CNBD1: variants seen among roughly 807,000 people sequenced by gnomAD.
CNBD1 encodes cyclic nucleotide binding domain containing 1.
A neutral mutation model predicts 54.4 loss-of-function variants in CNBD1; 71 were observed. The observed-to-expected ratio is 1.30, with a 90% CI of 1.08 to 1.59. The LOEUF is 1.59. Among genes scored for constraint, CNBD1 ranks in the 40% most tolerant of loss-of-function variants. CNBD1 has a pLI of 0.00. For missense variants in CNBD1, 659 were observed against 518.0 expected (o/e 1.27, Z -2.64); for synonymous variants, 182 against 170.7 (o/e 1.07, Z -0.51).
chr8:87,276,628 C>G (rs7842203), intron 6 of CNBD1, among the ~76,000 whole-genome samples: 42,732 of 151,692 alleles, frequency 0.28, 6,476 homozygotes, highest in African/African-American at 0.39. Context: ...TTGCCTCAGA[C>G]CAGTCCCCTT....
intron 4 of CNBD1, among the ~76,000 whole-genome samples, chr8:87,126,857 A>T (rs983631983): frequency 4.0e-5 from 6 of 151,874 alleles, no homozygotes; most frequent in African/African-American, 1.4e-4. Context: ...TTGTATATAG[A>T]TATCCAGTGG....
rs116369509 is a variant in CNBD1 at position 86,887,916 on chromosome 8, A to G, written c.158+305A>G. On this transcript the variant is annotated intron_variant, in intron 2 of 10. Coordinates refer to ENST00000518476, the MANE Select transcript of CNBD1 (RefSeq NM_173538.3). ...AAGTGGTTGAAAACACACATACTGA[A>G]TGAAATAAGTACCTGAGCAGTGAAT... Among the ~76,000 whole-genome samples, 1,166 of 152,292 alleles carry G rather than the reference A, an allele frequency of 7.7e-3. 13 individuals carry two copies. The highest frequency in any genetic ancestry group is 0.026 in the African/African-American group (1,082 of 41,562).
At chr8:87,035,987 G>A (rs926892652) in intron 4 of CNBD1, among the ~76,000 whole-genome samples, 12 of 152,154 alleles carry the variant, frequency 7.9e-5, no homozygotes, top group South Asian at 2.1e-4. Flanking sequence ...ATATCTACAG[G>A]CCAGAACTCA....
intron 4 of CNBD1, among the ~76,000 whole-genome samples, chr8:87,197,210 G>A (rs543469445): frequency 3.2e-4 from 48 of 152,298 alleles, no homozygotes; most frequent in Non-Finnish European, 5.4e-4. Flanking sequence ...ATTCACTGAA[G>A]TATTTCCTAC....
At chr8:87,234,841 T>G (rs1376694553) in intron 5 of CNBD1, among the ~76,000 whole-genome samples, 1 of 152,152 alleles carries the variant, frequency 6.6e-6, no homozygotes, top group African/African-American at 2.4e-5. Context: ...AGGAATTGAC[T>G]TCTTCTCTCT....
At chr8:87,051,988 G>A (rs893237398) in intron 4 of CNBD1, among the ~76,000 whole-genome samples, 15 of 152,198 alleles carry the variant, frequency 9.9e-5, no homozygotes, top group Admixed American at 7.2e-4. Context: ...AACCTCCAGT[G>A]GTCCCCACCA....
intron 6 of CNBD1, among the ~76,000 whole-genome samples, chr8:87,257,682 C>T (rs1436632879): frequency 1.3e-5 from 2 of 152,062 alleles, no homozygotes; most frequent in Non-Finnish European, 2.9e-5. Flanking sequence ...TTTATGTCCT[C>T]TTGAATACCA....
intron 2 of CNBD1, among the ~76,000 whole-genome samples, chr8:87,398,719 T>G (rs1811449958): frequency 6.6e-6 from 1 of 152,122 alleles, no homozygotes; most frequent in Non-Finnish European, 1.5e-5. Context: ...GTCTTAGAAG[T>G]TTAAATTCAC....
intron 8 of CNBD1, among the ~76,000 whole-genome samples, chr8:87,330,903 C>T (rs1809813648): frequency 6.6e-6 from 1 of 152,090 alleles, no homozygotes; most frequent in South Asian, 2.1e-4. Context: ...AATTAGGTTT[C>T]TCATAGCCAA....
intron 6 of CNBD1, among the ~76,000 whole-genome samples, chr8:87,277,853 C>T (rs1808516166): frequency 6.6e-6 from 1 of 150,630 alleles, no homozygotes; most frequent in African/African-American, 2.5e-5. Context: ...AATGTCAAAA[C>T]ACAAGACAAC....
chr8:87,271,150 C>T, intron 6 of CNBD1, among the ~76,000 whole-genome samples: 1 of 151,072 alleles, frequency 6.6e-6, no homozygotes, highest in Non-Finnish European at 1.5e-5. Flanking sequence ...TAATTTTGGT[C>T]TTCTCTCTTG....
intron 10 of CNBD1, among the ~76,000 whole-genome samples, chr8:87,357,961 A>G (rs1810454371): frequency 2.0e-5 from 3 of 152,166 alleles, no homozygotes; most frequent in African/African-American, 7.2e-5. Context: ...GTGAGTTCAC[A>G]TGAGAGCTGG....
At chr8:87,120,953 C>A (rs1367018556) in intron 4 of CNBD1, among the ~76,000 whole-genome samples, 1 of 151,880 alleles carries the variant, frequency 6.6e-6, no homozygotes, top group Admixed American at 6.6e-5. Context: ...CTCTAATTTT[C>A]TGAAAGCACT....
intron 10 of CNBD1, among the ~76,000 whole-genome samples, chr8:87,365,554 T>C (rs1453592468): frequency 2.0e-5 from 3 of 152,062 alleles, no homozygotes; most frequent in African/African-American, 7.2e-5. Flanking sequence ...TGTAATCCTT[T>C]ATGAATTTTA....
At chr8:87,050,247 G>A (rs191639685) in intron 4 of CNBD1, among the ~76,000 whole-genome samples, 23 of 152,316 alleles carry the variant, frequency 1.5e-4, no homozygotes, top group Non-Finnish European at 2.8e-4. Flanking sequence ...AAGGGGAAAG[G>A]AGGTAATGGG....
At chr8:87,390,794 A>G (rs1481838966) in intron 2 of CNBD1, among the ~76,000 whole-genome samples, 1 of 152,198 alleles carries the variant, frequency 6.6e-6, no homozygotes, top group African/African-American at 2.4e-5. Flanking sequence ...ATGCACACAT[A>G]TGTTTATTGC....
chr8:87,421,291 T>C (rs1807931237), intron 2 of CNBD1, among the ~76,000 whole-genome samples: 1 of 152,068 alleles, frequency 6.6e-6, no homozygotes, highest in Admixed American at 6.5e-5. Flanking sequence ...TTTTATATTA[T>C]ACTTTAAGTT....
At chr8:87,064,371 ATT>A (rs767052907) in intron 4 of CNBD1, among the ~76,000 whole-genome samples, 7 of 151,718 alleles carry the variant, frequency 4.6e-5, no homozygotes, top group Non-Finnish European at 1.0e-4. Flanking sequence ...TTTTACTATC[ATT>A]TTGTTTCTGT....
At chr8:87,104,401 A>C (rs1169289287) in intron 4 of CNBD1, among the ~76,000 whole-genome samples, 2 of 152,372 alleles carry the variant, frequency 1.3e-5, no homozygotes, top group East Asian at 3.9e-4. Flanking sequence ...GAGGATGTCA[A>C]AGACATGCAT....
Sources: allele counts gnomAD v4.1 joint callset (sites outside exome capture counted in the v4.1 genomes callset), GRCh38; gene constraint gnomAD v4.1.1; transcripts MANE v1.5; gene names NCBI Gene and HGNC (gene_info 2026-07-23, HGNC 2026-07-21).